Variants in INPP5D observed in about 807,000 individuals in gnomAD.
INPP5D encodes the protein phosphatidylinositol 3,4,5-trisphosphate 5-phosphatase 1.
In INPP5D, 33 loss-of-function variants were observed where a neutral mutation model predicts 122.9. The ratio of observed to expected loss-of-function variants is 0.27; its 90% confidence interval spans 0.20 to 0.36. The LOEUF (loss-of-function observed/expected upper bound fraction) is 0.36. INPP5D is among the 10% of genes least tolerant of loss of function. The pLI is 1.00. For synonymous variants in INPP5D, 584 were observed against 576.2 expected (o/e 1.01, Z -0.19); for missense variants, 1,053 against 1,412.7 (o/e 0.75, Z 4.08).
At chr2:233,098,936 T>TTTTATTTATTTACTTATTTA (rs1692225522) in intron 2 of INPP5D, among the ~76,000 whole-genome samples, 1 of 145,986 alleles carries the variant, frequency 6.8e-6, no homozygotes, top group Non-Finnish European at 1.5e-5. Context: ...GGAACTTTAT[T>TTTTATTTATTTACTTATTTA]TTTATTTATT....
rs902940256 is a variant in INPP5D at position 233,198,172 on chromosome 2, C to T, written c.2771C>T (p.Pro924Leu). The T allele has an allele frequency of 1.2e-6, 2 of 1,613,408 alleles. No homozygotes were observed. Among genetic ancestry groups the T allele is most frequent in the African/African-American group, 2.7e-5 (2 of 74,938 alleles). Residue 924 changes from proline to leucine, a missense_variant, in exon 25 of 27, where the codon CCA (proline) becomes CTA (leucine). Physicochemically the swap from Pro to Leu is moderately conservative, Grantham distance 98. Coordinates refer to ENST00000445964, the MANE Select transcript of INPP5D (RefSeq NM_001017915.3). Reference protein sequence around the residue: ...NYMGVGPFGPPMPLHVKQTLS... With the variant: ...NYMGVGPFGPLMPLHVKQTLS... ...ATGGGAGTGGGGCCCTTTGGGCCAC[C>T]AATGCCCCTGCACGTGAAGCAGACC...
chr2:233,116,385 G>A (rs1692797193), intron 2 of INPP5D, among the ~76,000 whole-genome samples: 3 of 151,818 alleles, frequency 2.0e-5, no homozygotes. Flanking sequence ...CACCTCCTGG[G>A]TTCAAGCAAT....
Position 233,100,004 on chromosome 2 carries a change from A to C in INPP5D, c.198+20606A>C, listed in dbSNP as rs1692261624. Among the ~76,000 whole-genome samples, 1 of 151,896 alleles carries C rather than the reference A, an allele frequency of 6.6e-6. No individual in the cohort carries two copies. Among genetic ancestry groups the C allele is most frequent in the Non-Finnish European group, 1.5e-5 (1 of 67,930 alleles). On this transcript the variant is annotated intron_variant, in intron 2 of 26. Transcript: ENST00000445964. This position sits in a 1 kb window ranked among gnomAD's most constrained non-coding sequence, Gnocchi z 5.3. ...TTCTAAAGCCATCAGATCTCATGAG[A>C]CCCATTCACTATCACGAGAACAGAG...
intron 11 of INPP5D, among the ~76,000 whole-genome samples, 160 bp downstream of exon 11, chr2:233,161,986 T>G (rs1390217278): frequency 6.6e-6 from 1 of 152,076 alleles, no homozygotes; most frequent in African/African-American, 2.4e-5. Flanking sequence ...ACCTCCTTCC[T>G]GAGGAATTCC....
At position 233,091,751 on chromosome 2, in the gene INPP5D, G is replaced by T. The variant is rs530844953; in HGVS notation, c.198+12353G>T. Among the ~76,000 whole-genome samples the T allele has an allele frequency of 4.6e-5, 7 of 152,328 alleles. No homozygotes were observed. The South Asian group carries it at 1.4e-3, about 32-fold the overall frequency. ...AGCCACAGGTTCCAGGGATAAGGAG[G>T]GCTTGGGAGGCGGAGGCCGTTATTT... On this transcript the variant is annotated intron_variant, in intron 2 of 26. Coordinates refer to ENST00000445964, the MANE Select transcript of INPP5D (RefSeq NM_001017915.3).
intron 1 of INPP5D, among the ~76,000 whole-genome samples, chr2:233,072,042 A>G (rs1380056047): frequency 6.6e-6 from 1 of 152,232 alleles, no homozygotes; most frequent in Non-Finnish European, 1.5e-5. Flanking sequence ...CTAAAACACT[A>G]CAGTGGGGAA....
At chr2:233,069,237 G>A (rs562625331) in intron 1 of INPP5D, among the ~76,000 whole-genome samples, 1 of 152,304 alleles carries the variant, frequency 6.6e-6, no homozygotes, top group South Asian at 2.1e-4. Context: ...GGCTGTCCCC[G>A]AGAGATCATT....
At position 233,204,449 on chromosome 2, in the gene INPP5D, A is replaced by ACAAGAGCCAAGGGAAGCC. The variant is rs1425555766; in HGVS notation, c.3305_3322dup (p.Ser1102_Lys1107dup). ...GCCGAGGGCAGGGCGGCCGGCGGGG[A>ACAAGAGCCAAGGGAAGCC]CAAGAGCCAAGGGAAGCCCAAGACC... On this transcript the variant is annotated inframe_insertion, in exon 26 of 27. Coordinates refer to ENST00000445964, the MANE Select transcript of INPP5D (RefSeq NM_001017915.3). The ACAAGAGCCAAGGGAAGCC allele has an allele frequency of 6.3e-7, 1 of 1,598,994 alleles. No individual in the cohort carries two copies. The highest frequency in any genetic ancestry group is 8.5e-7 in the Non-Finnish European group (1 of 1,173,924).
Position 233,170,890 on chromosome 2 carries a change from A to G in INPP5D, c.1901-174A>G, listed in dbSNP as rs80235307. Among the ~76,000 whole-genome samples, 7,413 of 139,366 alleles carry G rather than the reference A, an allele frequency of 0.053. 559 individuals carry two copies. The highest frequency in any genetic ancestry group is 0.2 in the South Asian group (835 of 4,094). 91.4% of individuals were successfully genotyped at this position (139,366 alleles called of 152,430 possible). On this transcript the variant is annotated intron_variant, in intron 16 of 26. Coordinates refer to ENST00000445964, the MANE Select transcript of INPP5D (RefSeq NM_001017915.3). This position sits in a 1 kb window ranked among gnomAD's most constrained non-coding sequence, Gnocchi z 4.5. The stretch of plus-strand genomic sequence containing the variant: ...CACTGCACTCCAGCCTGGCCAACAA[A>G]GACAGACTCCGTCTCAAAAAAAAAA...
At chr2:233,075,709 T>A (rs1201757483) in intron 1 of INPP5D, among the ~76,000 whole-genome samples, 1 of 152,102 alleles carries the variant, frequency 6.6e-6, no homozygotes, top group Non-Finnish European at 1.5e-5. Flanking sequence ...TCCACACCCG[T>A]GGAATACAGT....
chr2:233,070,266 A>G (rs990949574), intron 1 of INPP5D, among the ~76,000 whole-genome samples: 4 of 151,932 alleles, frequency 2.6e-5, no homozygotes, highest in East Asian at 1.9e-4. Context: ...TTTGACATTC[A>G]GGGACTGTAA....
At chr2:233,181,183 G>A (rs1479364393) in intron 18 of INPP5D, among the ~76,000 whole-genome samples, 2 of 152,002 alleles carry the variant, frequency 1.3e-5, no homozygotes, top group African/African-American at 4.8e-5. Flanking sequence ...TGTTTCTCTG[G>A]TGATCCTTAG....
At chr2:233,064,971 G>A (rs575829643) in intron 1 of INPP5D, among the ~76,000 whole-genome samples, 4 of 152,320 alleles carry the variant, frequency 2.6e-5, no homozygotes, top group South Asian at 2.1e-4. Context: ...GGCCCAGGTC[G>A]TAGCCAGAGC....
At chr2:233,147,747 C>A (rs1250624549) in intron 9 of INPP5D, among the ~76,000 whole-genome samples, 153 bp downstream of exon 9, 1 of 152,234 alleles carries the variant, frequency 6.6e-6, no homozygotes, top group South Asian at 2.1e-4. Context: ...TGTGTCTCTT[C>A]TCTTCCCCAC....
At chr2:233,084,341 C>T (rs750521041) in intron 2 of INPP5D, among the ~76,000 whole-genome samples, 5 of 152,230 alleles carry the variant, frequency 3.3e-5, no homozygotes, top group African/African-American at 4.8e-5. Context: ...AGGCGTGAGC[C>T]ACCATGCCCA....
intron 8 of INPP5D, 90 bp from the exon 9 acceptor site, chr2:233,147,381 C>A: frequency 1.5e-6 from 1 of 675,066 alleles, no homozygotes; most frequent in Non-Finnish European, 2.7e-6. Flanking sequence ...CAGAGGTTGC[C>A]CAGCCATGTA....
In INPP5D at chr2:233,206,732, G is replaced by C. The variant is rs1418792555; in HGVS notation, c.*24G>C. Reference sequence around the variant, plus strand: ...GAAGCCCTCAGTGAGCTGCCACTGAGTCGGGAGCCCAGAGGAACGGCGTGA... The same window carrying C: ...GAAGCCCTCAGTGAGCTGCCACTGACTCGGGAGCCCAGAGGAACGGCGTGA... On this transcript the variant is annotated 3_prime_UTR_variant, in exon 27 of 27. Coordinates refer to ENST00000445964, the MANE Select transcript of INPP5D (RefSeq NM_001017915.3). The surrounding 1 kb of genome is among the most constrained non-coding windows in gnomAD (Gnocchi z 4.0). The C allele has an allele frequency of 1.3e-6, 1 of 768,240 alleles. No homozygotes were observed. Among genetic ancestry groups the C allele is most frequent in the Non-Finnish European group, 2.4e-6 (1 of 412,244 alleles). The allele number at this position is 768,240 out of a possible 1,614,324, so 47.6% of individuals were successfully genotyped here.
rs375599528 is a variant in INPP5D at position 233,060,553 on chromosome 2, C to T, written c.75C>T (p.Asp25=). The T allele has an allele frequency of 5.7e-5, 92 of 1,613,874 alleles. No individual in the cohort carries two copies. Among genetic ancestry groups the T allele is most frequent in the Non-Finnish European group, 7.3e-5 (86 of 1,179,882 alleles). Residue 25 remains aspartate (D), a synonymous_variant, in exon 1 of 27, where the codon GAC becomes GAT. Transcript: ENST00000445964. ...AGCTGCTTTCCAGGACAGGCAAGGACGGGAGCTTCCTCGTGCGTGCCAGCG... is the reference window on the plus strand; with the variant it reads ...AGCTGCTTTCCAGGACAGGCAAGGATGGGAGCTTCCTCGTGCGTGCCAGCG... ...AEELLSRTGK[D]GSFLVRASES... is the part of the protein sequence containing the mutation.
At chr2:233,175,842 C>T (rs1322534369) in intron 17 of INPP5D, among the ~76,000 whole-genome samples, 1 of 151,890 alleles carries the variant, frequency 6.6e-6, no homozygotes, top group East Asian at 1.9e-4. Context: ...GCCACCATGC[C>T]CGGGTAATTT....
Sources: gnomAD v4.1 joint callset for allele counts (sites outside exome capture counted in the v4.1 genomes callset) on GRCh38, gnomAD v4.1.1 for gene constraint, Gnocchi (gnomAD v3.1) non-coding constraint, MANE v1.5 for transcripts, NCBI Gene and HGNC (gene_info 2026-07-23, HGNC 2026-07-21) for gene names.